Variants in ATP12A observed in about 807,000 individuals in gnomAD.
ATP12A encodes the protein potassium-transporting ATPase alpha chain 2.
ATP12A carries 81 observed loss-of-function variants against 111.2 expected under a neutral mutation model. The ratio of observed to expected loss-of-function variants is 0.73; its 90% CI spans 0.61 to 0.88. The LOEUF is 0.88. ATP12A is among the 40% of genes least tolerant of loss of function. The pLI is 0.00. For missense variants in ATP12A, 1,196 were observed against 1,313.1 expected (o/e 0.91, Z 1.38); for synonymous variants, 498 against 499.8 (o/e 1.00, Z 0.05).
chr13:24,683,106 G>A (rs1874542562), intron 2 of ATP12A, among the ~76,000 whole-genome samples: 1 of 152,046 alleles, frequency 6.6e-6, no homozygotes, highest in South Asian at 2.1e-4. Flanking sequence ...ACAGGCGCCC[G>A]CCATCACACC....
In ATP12A at chr13:24,711,846, C is replaced by A. The variant is rs935621547; in HGVS notation, c.*324C>A. 2.5e-6 allele frequency: 1 copy of A among 393,764 alleles called. No homozygotes were observed. Among genetic ancestry groups the A allele is most frequent in the Non-Finnish European group, 4.7e-6 (1 of 212,056 alleles). The allele number at this position is 393,764 out of a possible 1,614,324, so 24.4% of individuals were successfully genotyped here. On this transcript the variant is annotated 3_prime_UTR_variant, in exon 23 of 23. Transcript: ENST00000381946. ...TAATAGTCTTGTGTAACCCAGGCAT[C>A]TACTGGGGCCTGCCTTAAGCTCTAG...
chr13:24,690,936 C>G (rs761488616), intron 7 of ATP12A, 46 bp from the exon 8 acceptor site: 4 of 1,608,650 alleles, frequency 2.5e-6, no homozygotes, highest in Admixed American at 3.3e-5. Flanking sequence ...CTGCACACCC[C>G]TCCTGGCTGA....
chr13:24,687,734 C>T (rs1874721794), intron 3 of ATP12A, among the ~76,000 whole-genome samples: 1 of 152,138 alleles, frequency 6.6e-6, no homozygotes, highest in Admixed American at 6.5e-5. Context: ...AAGGAGCAGG[C>T]GTAAGGATGG....
At chr13:24,681,275 G>C (rs1874419643) in intron 1 of ATP12A, among the ~76,000 whole-genome samples, 1 of 152,062 alleles carries the variant, frequency 6.6e-6, no homozygotes, top group African/African-American at 2.4e-5. Flanking sequence ...TCAGGAGTTG[G>C]GGGGGTAACT....
intron 2 of ATP12A, among the ~76,000 whole-genome samples, chr13:24,682,392 GGTGTGTGTATGTGT>G (rs1874513459): frequency 1.0e-5 from 1 of 99,516 alleles, no homozygotes; most frequent in Admixed American, 1.0e-4. Context: ...TGTGGTGTGT[GGTGTGTGTATGTGT>G]GTGTGTGTGT....
At chr13:24,694,164 T>G (rs1566072901) in intron 10 of ATP12A, among the ~76,000 whole-genome samples, 1 of 152,176 alleles carries the variant, frequency 6.6e-6, no homozygotes, top group Non-Finnish European at 1.5e-5. Context: ...TCTCTGTGTA[T>G]CGGTAACCCA....
intron 14 of ATP12A, among the ~76,000 whole-genome samples, chr13:24,705,156 C>T (rs901329967): frequency 1.3e-5 from 2 of 152,196 alleles, no homozygotes. Flanking sequence ...GCAGTTTGTA[C>T]CTACATTGTT....
At chr13:24,705,695 G>C (rs1025894569) in intron 14 of ATP12A, among the ~76,000 whole-genome samples, 1 of 151,956 alleles carries the variant, frequency 6.6e-6, no homozygotes, top group African/African-American at 2.4e-5. Flanking sequence ...TTTGAGACAG[G>C]GTCTCACTTT....
At chr13:24,684,097 G>A (rs1874580845) in intron 2 of ATP12A, among the ~76,000 whole-genome samples, 1 of 127,006 alleles carries the variant, frequency 7.9e-6, no homozygotes, top group Non-Finnish European at 1.7e-5. Flanking sequence ...TCATCCCCCA[G>A]CCCAGGAAGT....
chr13:24,686,119 A>T (rs1234678999), intron 3 of ATP12A, among the ~76,000 whole-genome samples: 1 of 152,212 alleles, frequency 6.6e-6, no homozygotes, highest in Non-Finnish European at 1.5e-5. Context: ...CAGGACTGTG[A>T]AATGAGGATC....
At chr13:24,710,699 G>C (rs1163066845) in intron 20 of ATP12A, 93 bp from the exon 21 acceptor site, 10 of 1,602,358 alleles carry the variant, frequency 6.2e-6, no homozygotes, top group Non-Finnish European at 8.5e-6. Flanking sequence ...TGTAACCCCA[G>C]AGGCATTGAT....
chr13:24,711,257 G>A (rs1326619069), intron 21 of ATP12A, 61 bp from the exon 22 acceptor site: 1 of 1,449,980 alleles, frequency 6.9e-7, no homozygotes, highest in Admixed American at 2.0e-5. Flanking sequence ...ATTCCCATTG[G>A]GCAGGGTTGG....
chr13:24,710,644 G>A (rs1420105235), intron 20 of ATP12A, 51 bp downstream of exon 20: 1 of 1,611,758 alleles, frequency 6.2e-7, no homozygotes, highest in Non-Finnish European at 8.5e-7. Flanking sequence ...GCCGTGCAAG[G>A]ATGATGATGA....
intron 12 of ATP12A, among the ~76,000 whole-genome samples, chr13:24,699,339 G>T (rs1875299019): frequency 6.6e-6 from 1 of 152,170 alleles, no homozygotes; most frequent in Non-Finnish European, 1.5e-5. Flanking sequence ...TGTGCCACTA[G>T]AGTGAGCTGG....
chr13:24,706,371 C>T lies in ATP12A; in HGVS notation c.2077C>T (p.Leu693=). ...GCTGAAGGACATGAGCTCAGAACAG[C>T]TGGATGAGATCTTAGCCAACTACCA... ...MELKDMSSEQ[L]DEILANYQEI... The change falls in exon 15 of 23, where the codon CTG becomes TTG. Residue 693 remains leucine (L), a synonymous_variant. Transcript: ENST00000381946. 3.1e-6 allele frequency: 5 copies of T among 1,614,230 alleles called. No individual in the cohort carries two copies. Among genetic ancestry groups the T allele is most frequent in the Non-Finnish European group, 4.2e-6 (5 of 1,180,040 alleles).
chr13:24,710,625 C>A, intron 20 of ATP12A, 32 bp downstream of exon 20: 1 of 1,613,608 alleles, frequency 6.2e-7, no homozygotes, highest in South Asian at 1.1e-5. Flanking sequence ...CTGGGGCAGC[C>A]CTGGGCCTGC....
At chr13:24,708,906 AAAG>A in intron 17 of ATP12A, among the ~76,000 whole-genome samples, 1 of 90,960 alleles carries the variant, frequency 1.1e-5, no homozygotes, top group Non-Finnish European at 2.2e-5. Context: ...GAAAGGAAAG[AAAG>A]AAAGAAAGAA....
In ATP12A at chr13:24,681,542, C is replaced by T; in HGVS notation, c.10-20C>T. 1 of 1,608,062 alleles carries T rather than the reference C, an allele frequency of 6.2e-7. No homozygotes were observed. Among genetic ancestry groups the T allele is most frequent in the Non-Finnish European group, 8.5e-7 (1 of 1,178,232 alleles). ...GAAACCCCATTTGGGGCCAATATTG[C>T]ACCTGGGCTTCTCTTTCAGAAAACC... On this transcript the variant is annotated intron_variant, in intron 1 of 22. Coordinates refer to ENST00000381946, the MANE Select transcript of ATP12A (RefSeq NM_001676.7).
intron 11 of ATP12A, among the ~76,000 whole-genome samples, chr13:24,695,139 C>A (rs1035683264): frequency 6.6e-6 from 1 of 152,230 alleles, no homozygotes; most frequent in Non-Finnish European, 1.5e-5. Context: ...ACCCAGTGTT[C>A]CCAAGCCTGA....
Sources: gnomAD v4.1 joint callset for allele counts (sites outside exome capture counted in the v4.1 genomes callset) on GRCh38, gnomAD v4.1.1 for gene constraint, MANE v1.5 for transcripts, NCBI Gene and HGNC (gene_info 2026-07-23, HGNC 2026-07-21) for gene names.